CHADL: variants seen among roughly 807,000 people sequenced by gnomAD.
CHADL encodes the protein chondroadherin like.
CHADL carries 48 observed loss-of-function variants against 52.1 expected under a neutral mutation model. That is an observed-to-expected ratio of 0.92 (90% CI 0.73 to 1.17). CHADL has a LOEUF of 1.17. CHADL is among the 50% of genes most tolerant of loss of function. The pLI, the probability that CHADL is intolerant of heterozygous loss-of-function variation, is 0.00. For synonymous variants in CHADL, 498 were observed against 511.2 expected (o/e 0.97, Z 0.35); for missense variants, 977 against 1,035.1 (o/e 0.94, Z 0.77).
At chr22:41,239,712 A>C in intron 1 of CHADL, 92 bp from the exon 2 acceptor site, 7 of 1,178,520 alleles carry the variant, frequency 5.9e-6, no homozygotes, top group East Asian at 2.9e-5. Flanking sequence ...CTCCTGCCCC[A>C]AAAACCCCTC....
chr22:41,231,308 G>A (rs184377180), intron 5 of CHADL: 4 of 152,304 alleles, frequency 2.6e-5, no homozygotes. Flanking sequence ...TGCAGATTGT[G>A]TTCTGACCCC....
chr22:41,240,141 G>T (rs992091335), intron 1 of CHADL, among the ~76,000 whole-genome samples: 2 of 152,186 alleles, frequency 1.3e-5, no homozygotes, highest in African/African-American at 4.8e-5. Context: ...AGTCTGGAGT[G>T]CAGTGGAATG....
rs569164136 is a variant in CHADL, at chr22:41,239,927, G to A, written c.9-307C>T. ...ACTGTGAGAATGACTCCAGTTCAGAGCATGTTCTCAGGCTGTGGTGAGGCT... is the reference window on the plus strand; with the variant it reads ...ACTGTGAGAATGACTCCAGTTCAGAACATGTTCTCAGGCTGTGGTGAGGCT... On this transcript the variant is annotated intron_variant, in intron 1 of 5. Coordinates refer to ENST00000216241, the MANE Select transcript of CHADL (RefSeq NM_138481.2). Among the ~76,000 whole-genome samples, 138 of 152,342 alleles carry A rather than the reference G, an allele frequency of 9.1e-4. 2 individuals carry two copies. The highest frequency in any genetic ancestry group is 1.2e-4 in the Non-Finnish European group (8 of 68,030).
At chr22:41,234,402 A>ATTAT (rs2032697458) in intron 5 of CHADL, among the ~76,000 whole-genome samples, 1 of 91,016 alleles carries the variant, frequency 1.1e-5, no homozygotes, top group African/African-American at 5.2e-5. Flanking sequence ...ATTATTATTG[A>ATTAT]GACGGAGTCT....
In CHADL at chr22:41,239,799, G is replaced by T. The variant is rs559541967; in HGVS notation, c.9-179C>A. 2.0e-4 allele frequency among the ~76,000 whole-genome samples: 31 copies of T among 152,322 alleles called. No homozygotes were observed. In the South Asian group the frequency reaches 6.2e-3, roughly 31 times the overall value. On this transcript the variant is annotated intron_variant, in intron 1 of 5. Transcript: ENST00000216241. ...GCCCCCCACCCCCCACGCAGTGGAG[G>T]TCCTATGATTAGTCCTGTTTTACAT...
chr22:41,234,620 C>A (rs956560711), intron 5 of CHADL, among the ~76,000 whole-genome samples: 8 of 151,022 alleles, frequency 5.3e-5, no homozygotes, highest in African/African-American at 2.0e-4. Context: ...GTGGTGAGAT[C>A]TCCGCTCACT....
chr22:41,239,594 A>G lies in CHADL; in HGVS notation c.35T>C (p.Leu12Ser). 6.5e-7 allele frequency: 1 copy of G among 1,544,496 alleles called. No individual in the cohort carries two copies. Among genetic ancestry groups the G allele is most frequent in the East Asian group, 2.5e-5 (1 of 40,608 alleles). ...EGPRSSTHVP[L>S]VLPLLVLLLL... is the part of the protein sequence containing the mutation. Reference sequence around the variant, plus strand: ...CAGAAGTACAAGAAGCGGCAGCACCAAGGGGACATGGGTGGAGCTCCGGGG... The same window carrying G: ...CAGAAGTACAAGAAGCGGCAGCACCGAGGGGACATGGGTGGAGCTCCGGGG... Residue 12 changes from leucine (L) to serine (S), a missense_variant, in exon 2 of 6, where the codon TTG (leucine) becomes TCG (serine). By Grantham distance (145) the Leu-to-Ser change is moderately radical (BLOSUM62 -2). Coordinates refer to ENST00000216241, the MANE Select transcript of CHADL (RefSeq NM_138481.2).
At chr22:41,239,836 G>A (rs1199549056) in intron 1 of CHADL, among the ~76,000 whole-genome samples, 9 of 152,176 alleles carry the variant, frequency 5.9e-5, no homozygotes, top group African/African-American at 2.2e-4. Flanking sequence ...GGAGGAAACC[G>A]AGGCTCAGAA....
rs1296612379 is a variant in CHADL, at chr22:41,236,463, G to A, written c.2063+21C>T. ...AGTGGCTGGGTGGTCTTTGGCTGGA[G>A]GTCTAGGTGGGGGTGCCCACCTGTG... On this transcript the variant is annotated intron_variant, in intron 4 of 5. Transcript: ENST00000216241. 3.2e-6 allele frequency: 5 copies of A among 1,546,594 alleles called. No homozygotes were observed. In the South Asian group the frequency reaches 4.8e-5, roughly 15 times the overall value.
Position 41,238,455 on chromosome 22 carries a change from G to A in CHADL, c.617C>T (p.Pro206Leu). The A allele has an allele frequency of 6.5e-7, 1 of 1,530,114 alleles. No individual in the cohort carries two copies. Among genetic ancestry groups the A allele is most frequent in the East Asian group, 2.5e-5 (1 of 40,684 alleles). The allele number at this position is 1,530,114 out of a possible 1,614,324, so 94.8% of individuals were successfully genotyped here. A position where few individuals can be genotyped will look rare whatever the true frequency, so the allele number is the denominator to read the frequency against. ...GTGTAGGCTGAGCCGTCTCAGGGCGGGCAGGCCAGCCAGGGCCTCGGGGGC... is the reference window on the plus strand; with the variant it reads ...GTGTAGGCTGAGCCGTCTCAGGGCGAGCAGGCCAGCCAGGGCCTCGGGGGC... ...VLAPEALAGL[P>L]ALRRLSLHHN... Residue 206 changes from proline (P) to leucine (L), a missense_variant, in exon 3 of 6, where the codon CCC becomes CTC. Physicochemically the swap from Pro to Leu is moderately conservative, Grantham distance 98. Coordinates refer to ENST00000216241, the MANE Select transcript of CHADL (RefSeq NM_138481.2). This position sits in a 1 kb window ranked among gnomAD's most constrained non-coding sequence, Gnocchi z 4.9.
chr22:41,239,595 A>G lies in CHADL; in HGVS notation c.34T>C (p.Leu12=). Residue 12 remains leucine (L), a synonymous_variant, in exon 2 of 6, where the codon TTG becomes CTG. Coordinates refer to ENST00000216241, the MANE Select transcript of CHADL (RefSeq NM_138481.2). ...EGPRSSTHVP[L]VLPLLVLLLL... The stretch of plus-strand genomic sequence containing the variant: ...AGAAGTACAAGAAGCGGCAGCACCA[A>G]GGGGACATGGGTGGAGCTCCGGGGC... The G allele has an allele frequency of 5.8e-6, 9 of 1,544,486 alleles. No individual in the cohort carries two copies. The highest frequency in any genetic ancestry group is 7.9e-6 in the Non-Finnish European group (9 of 1,143,712).
chr22:41,238,163 G>C lies in CHADL; in HGVS notation c.909C>G (p.Arg303=). The C allele has an allele frequency of 6.8e-7, 1 of 1,462,660 alleles. No homozygotes were observed. 90.6% of individuals were successfully genotyped at this position (1,462,660 alleles called of 1,614,324 possible). Residue 303 remains arginine (R), a synonymous_variant, in exon 3 of 6, where the codon CGC becomes CGG. Transcript: ENST00000216241. The surrounding 1 kb of genome is among the most constrained non-coding windows in gnomAD (Gnocchi z 4.9). ...GCGGATTCCCCTGCAGCCGCAGCCG[G>C]CGCAGCTGGCCCGGGCCCTGCAGCG... The part of the protein sequence containing the change: ...LPPLQGPGQL[R]RLRLQGNPLW...
In CHADL at chr22:41,237,925, G is replaced by C; in HGVS notation, c.1147C>G (p.Pro383Ala). 1 of 1,279,480 alleles carries C rather than the reference G, an allele frequency of 7.8e-7. No individual in the cohort carries two copies. Among genetic ancestry groups the C allele is most frequent in the African/African-American group, 1.6e-5 (1 of 64,260 alleles). The allele number at this position is 1,279,480 out of a possible 1,614,324, so 79.3% of individuals were successfully genotyped here. ...VAGPRAPPRGPPRGPGEERAV... is the reference protein window; with the variant it reads ...VAGPRAPPRGAPRGPGEERAV... ...CGCTCCTCCCCGGGGCCGCGCGGAG[G>C]GCCGCGCGGAGGGGCGCGGGGCCCG... Residue 383 changes from proline (P) to alanine (A), a missense_variant, in exon 3 of 6, where the codon CCT becomes GCT. Transcript: ENST00000216241.
chr22:41,234,805 G>A (rs897269356), intron 5 of CHADL, among the ~76,000 whole-genome samples: 4 of 151,972 alleles, frequency 2.6e-5, no homozygotes, highest in Admixed American at 6.6e-5. Flanking sequence ...TGCACGCCTC[G>A]GCCTCCCAAA....
In CHADL at chr22:41,237,954, A is replaced by G; in HGVS notation, c.1118T>C (p.Val373Ala). 1.6e-6 allele frequency: 2 copies of G among 1,263,674 alleles called. No homozygotes were observed. Among genetic ancestry groups the G allele is most frequent in the South Asian group, 3.0e-5 (1 of 33,558 alleles). The allele number at this position is 1,263,674 out of a possible 1,614,324, so 78.3% of individuals were successfully genotyped here. ...QEEEELEERA[V>A]AGPRAPPRGP... ...GCGCGGAGGGGCGCGGGGCCCGGCC[A>G]CAGCCCGCTCTTCCAGCTCTTCCTC... Residue 373 changes from valine (V) to alanine (A), a missense_variant, in exon 3 of 6, where the codon GTG becomes GCG. Coordinates refer to ENST00000216241, the MANE Select transcript of CHADL (RefSeq NM_138481.2).
In CHADL at chr22:41,237,244, C is replaced by T. The variant is rs2032760674; in HGVS notation, c.1828G>A (p.Asp610Asn). The change falls in exon 3 of 6, where the codon GAC (aspartate) becomes AAC (asparagine). Residue 610 changes from aspartate to asparagine, a missense_variant. Coordinates refer to ENST00000216241, the MANE Select transcript of CHADL (RefSeq NM_138481.2). Reference protein sequence around the residue: ...LSGNPLRALRDGAFQPVGRSL... With the variant: ...LSGNPLRALRNGAFQPVGRSL... Reference sequence around the variant, plus strand: ...CTGCCCACAGGCTGGAAGGCTCCGTCACGCAAGGCCCTGAGTGGGTTGCCC... The same window carrying T: ...CTGCCCACAGGCTGGAAGGCTCCGTTACGCAAGGCCCTGAGTGGGTTGCCC... The T allele has an allele frequency of 6.4e-7, 1 of 1,550,486 alleles. No individual in the cohort carries two copies. Among genetic ancestry groups the T allele is most frequent in the Non-Finnish European group, 8.7e-7 (1 of 1,146,928 alleles).
intron 5 of CHADL, chr22:41,230,501 C>A: frequency 2.1e-6 from 1 of 479,956 alleles, no homozygotes; most frequent in African/African-American, 2.0e-5. Context: ...CTGTGAACCA[C>A]CTTTTCCAGC....
At position 41,230,544 on chromosome 22, in the gene CHADL, G is replaced by C. The variant is rs17002362; in HGVS notation, c.2263-814C>G. The C allele has an allele frequency of 7.7e-3, 3,176 of 413,860 alleles. 94 individuals carry two copies. Among genetic ancestry groups the C allele is most frequent in the African/African-American group, 0.059 (2,897 of 48,716 alleles). The allele number at this position is 413,860 out of a possible 1,614,324, so 25.6% of individuals were successfully genotyped here. Reference sequence around the variant, plus strand: ...CCCAAAGCTGGAACGCTAGCTGCCTGCTCTTCCTTAAGATGGCCTCCCCCC... The same window carrying C: ...CCCAAAGCTGGAACGCTAGCTGCCTCCTCTTCCTTAAGATGGCCTCCCCCC... On this transcript the variant is annotated intron_variant, in intron 5 of 5. Coordinates refer to ENST00000216241, the MANE Select transcript of CHADL (RefSeq NM_138481.2).
intron 5 of CHADL, chr22:41,230,140 C>A: frequency 2.3e-6 from 3 of 1,299,096 alleles, no homozygotes; most frequent in South Asian, 2.3e-5. Context: ...CCTCTTCAGT[C>A]ATTGCTGTGC....
Sources: allele counts gnomAD v4.1 joint callset (sites outside exome capture counted in the v4.1 genomes callset), GRCh38; gene constraint gnomAD v4.1.1; non-coding constraint Gnocchi (gnomAD v3.1); transcripts MANE v1.5; gene names NCBI Gene and HGNC (gene_info 2026-07-23, HGNC 2026-07-21).